NDUFA5: variants seen among roughly 807,000 people sequenced by gnomAD.
NDUFA5 encodes the protein NADH dehydrogenase [ubiquinone] 1 alpha subcomplex subunit 5.
In NDUFA5, 11 loss-of-function variants were observed where a neutral mutation model predicts 19.8. The ratio of observed to expected loss-of-function variants is 0.56; its 90% CI spans 0.35 to 0.92. The LOEUF (loss-of-function observed/expected upper bound fraction) is 0.92. NDUFA5 is among the 40% of genes least tolerant of loss of function. The pLI is 0.01. For missense variants in NDUFA5, 109 were observed against 134.2 expected, an observed-to-expected ratio of 0.81 and a Z score of 0.93; for synonymous variants, 47 against 46.8, an observed-to-expected ratio of 1.00 and a Z score of -0.01.
the NDUFA5 span, among the ~76,000 whole-genome samples, chr7:123,579,201 T>C: frequency 6.6e-6 from 1 of 152,156 alleles, no homozygotes. Flanking sequence ...GGCCTCCAGC[T>C]GTATCCATGT....
the NDUFA5 span, among the ~76,000 whole-genome samples, chr7:123,598,117 A>G: frequency 6.6e-6 from 1 of 151,956 alleles, no homozygotes; most frequent in Non-Finnish European, 1.5e-5. Flanking sequence ...CATATACTAA[A>G]ATGTGTGTCT....
At chr7:123,595,489 C>T in the NDUFA5 span, among the ~76,000 whole-genome samples, 1 of 152,222 alleles carries the variant, frequency 6.6e-6, no homozygotes, top group East Asian at 1.9e-4. Flanking sequence ...CTGAAGGAAG[C>T]CTCCCCACTT....
At chr7:123,565,414 C>A in the NDUFA5 span, among the ~76,000 whole-genome samples, 2 of 151,908 alleles carry the variant, frequency 1.3e-5, no homozygotes, top group Admixed American at 1.3e-4. Context: ...CACACACACA[C>A]ACACACACAC....
the NDUFA5 span, among the ~76,000 whole-genome samples, chr7:123,571,646 C>CA: frequency 6.6e-6 from 1 of 152,062 alleles, no homozygotes; most frequent in East Asian, 1.9e-4. Flanking sequence ...CCAAGTCTTT[C>CA]AAAACAGTGG....
intron 2 of NDUFA5, 102 bp from the exon 3 acceptor site, chr7:123,550,688 T>G: frequency 5.5e-6 from 4 of 732,698 alleles, no homozygotes; most frequent in Non-Finnish European, 2.3e-6. Flanking sequence ...CACATCTGTT[T>G]TTTTTTTTTG....
the NDUFA5 span, among the ~76,000 whole-genome samples, chr7:123,573,880 T>C: frequency 3.9e-5 from 6 of 152,226 alleles, no homozygotes; most frequent in East Asian, 1.2e-3. Flanking sequence ...TTGGGTCTTA[T>C]TAATTAAAAA....
the NDUFA5 span, among the ~76,000 whole-genome samples, chr7:123,589,393 C>T: frequency 2.0e-5 from 3 of 151,342 alleles, no homozygotes; most frequent in South Asian, 2.1e-4. Flanking sequence ...CATAGGTATA[C>T]ATGTGCCATA....
chr7:123,588,434 G>A, the NDUFA5 span, among the ~76,000 whole-genome samples: 11 of 151,208 alleles, frequency 7.3e-5, no homozygotes, highest in Middle Eastern at 3.4e-3. Context: ...CTAAAGTTTC[G>A]TTAATTTTAT....
In NDUFA5 at chr7:123,541,481, T is replaced by C. The variant is rs770490432; in HGVS notation, c.*638A>G. The C allele has an allele frequency of 6.6e-6, 1 of 152,146 alleles. No homozygotes were observed. The highest frequency in any genetic ancestry group is 1.5e-5 in the Non-Finnish European group (1 of 68,002). The allele number at this position is 152,146 out of a possible 1,614,324, so 9.4% of individuals were successfully genotyped here. A position where few individuals can be genotyped will look rare whatever the true frequency, so the allele number is the denominator to read the frequency against. On this transcript the variant is annotated 3_prime_UTR_variant, in exon 5 of 5. Transcript: ENST00000355749. The stretch of plus-strand genomic sequence containing the variant: ...CAAATATAATACAGTAACAACAAAA[T>C]ATAATAAAATTAAGACTATAAGAAA...
the NDUFA5 span, among the ~76,000 whole-genome samples, chr7:123,593,471 G>A: frequency 6.6e-6 from 1 of 152,118 alleles, no homozygotes; most frequent in African/African-American, 2.4e-5. Flanking sequence ...GGCCTGGTGT[G>A]ACAAAATCTC....
intron 4 of NDUFA5, 116 bp from the exon 5 acceptor site, chr7:123,542,336 TCCA>T: frequency 1.5e-6 from 1 of 662,512 alleles, no homozygotes; most frequent in Non-Finnish European, 2.5e-6. Flanking sequence ...CATAATCTAT[TCCA>T]CCATCAAATG....
chr7:123,599,723 T>C, the NDUFA5 span, among the ~76,000 whole-genome samples: 1 of 152,338 alleles, frequency 6.6e-6, no homozygotes, highest in East Asian at 1.9e-4. Context: ...TCATATCAGT[T>C]GCTATAATTA....
At chr7:123,569,971 C>G in the NDUFA5 span, among the ~76,000 whole-genome samples, 1 of 149,128 alleles carries the variant, frequency 6.7e-6, no homozygotes, top group Non-Finnish European at 1.5e-5. Context: ...AAAAACTGCA[C>G]TATGATGGGA....
the NDUFA5 span, among the ~76,000 whole-genome samples, chr7:123,573,761 A>C: frequency 6.6e-6 from 1 of 152,154 alleles, no homozygotes; most frequent in African/African-American, 2.4e-5. Context: ...TTTCTAGACT[A>C]CTTTAGATCT....
chr7:123,557,950 T>C, upstream of NDUFA5: 1 of 1,316,320 alleles, frequency 7.6e-7, no homozygotes, highest in Non-Finnish European at 1.1e-6. Context: ...CCCGCCCATC[T>C]TAAAAGAGAA....
the NDUFA5 span, among the ~76,000 whole-genome samples, chr7:123,585,635 T>TTG: frequency 0.028 from 4,064 of 147,456 alleles, 147 homozygotes; most frequent in African/African-American, 0.085. Flanking sequence ...TAGTTACTAT[T>TTG]TGTGTGTGTG....
the NDUFA5 span, among the ~76,000 whole-genome samples, chr7:123,594,952 C>T: frequency 6.6e-6 from 1 of 152,186 alleles, no homozygotes; most frequent in Admixed American, 6.5e-5. Flanking sequence ...CCAGTTCGAG[C>T]TTCCCTGCCG....
chr7:123,552,866 C>T (rs961018977), intron 2 of NDUFA5, among the ~76,000 whole-genome samples: 2 of 152,086 alleles, frequency 1.3e-5, no homozygotes, highest in African/African-American at 4.8e-5. Flanking sequence ...CTCTCTTCAG[C>T]CCACAGCACA....
At chr7:123,574,781 C>T in the NDUFA5 span, among the ~76,000 whole-genome samples, 110,387 of 151,926 alleles carry the variant, frequency 0.73, 40,248 homozygotes, top group African/African-American at 0.8. Flanking sequence ...GAGTGGATTA[C>T]TTTCTTATCT....
Sources: gnomAD v4.1 joint callset for allele counts (sites outside exome capture counted in the v4.1 genomes callset) on GRCh38, gnomAD v4.1.1 for gene constraint, MANE v1.5 for transcripts, NCBI Gene and HGNC (gene_info 2026-07-23, HGNC 2026-07-21) for gene names.